The following PTN variants were observed in gnomAD, a reference collection of about 807,000 sequenced individuals.
PTN encodes heparin affin regulatory protein.
A neutral mutation model predicts 24.1 loss-of-function variants in PTN; 18 were observed. The observed-to-expected ratio is 0.75, with a 90% CI of 0.52 to 1.11. The LOEUF (loss-of-function observed/expected upper bound fraction) is 1.11. PTN is among the 50% of genes least tolerant of loss of function. The pLI is 0.00. For missense variants in PTN, 163 were observed against 198.8 expected (o/e 0.82, Z 1.08); for synonymous variants, 78 against 68.6 (o/e 1.14, Z -0.67).
At chr7:137,302,596 G>C (rs1320125837) in intron 1 of PTN, among the ~76,000 whole-genome samples, 6 of 151,966 alleles carry the variant, frequency 3.9e-5, no homozygotes, top group Non-Finnish European at 8.8e-5. Context: ...CACTCTCTGG[G>C]TATGTTTTCC....
At chr7:137,280,697 T>TAAAAAAAAAAAAAAAAA (rs1563210740) in intron 1 of PTN, among the ~76,000 whole-genome samples, 1 of 10,648 alleles carries the variant, frequency 9.4e-5, no homozygotes, top group Non-Finnish European at 2.2e-4. Context: ...CTACTAAAAA[T>TAAAAAAAAAAAAAAAAA]ACAAAAAAAA....
At chr7:137,232,306 G>T (rs369555335) in intron 4 of PTN, among the ~76,000 whole-genome samples, 38 of 152,116 alleles carry the variant, frequency 2.5e-4, no homozygotes, top group African/African-American at 8.7e-4. Flanking sequence ...GAATCTCACA[G>T]CAGTGCCCTG....
intron 4 of PTN, among the ~76,000 whole-genome samples, chr7:137,232,327 A>G (rs1808440994): frequency 6.6e-6 from 1 of 151,936 alleles, no homozygotes; most frequent in African/African-American, 2.4e-5. Context: ...GGTAGATTTT[A>G]ACTTCCTGGG....
chr7:137,269,397 G>A (rs1173054725), intron 1 of PTN, among the ~76,000 whole-genome samples: 2 of 152,204 alleles, frequency 1.3e-5, no homozygotes, highest in Non-Finnish European at 2.9e-5. Context: ...GATCTACAGT[G>A]CACTTGTGTG....
chr7:137,335,290 G>T (rs183418598), intron 1 of PTN, among the ~76,000 whole-genome samples: 4 of 151,874 alleles, frequency 2.6e-5, no homozygotes, highest in Non-Finnish European at 5.9e-5. Context: ...CACCCTCTCC[G>T]AGAAAGACCC....
At chr7:137,328,665 G>A (rs1810302220) in intron 1 of PTN, among the ~76,000 whole-genome samples, 1 of 152,086 alleles carries the variant, frequency 6.6e-6, no homozygotes, top group Non-Finnish European at 1.5e-5. Context: ...GAAACAGATT[G>A]AGCAGCTCCT....
intron 3 of PTN, 146 bp downstream of exon 3, chr7:137,253,318 C>T: frequency 2.5e-6 from 2 of 786,196 alleles, no homozygotes; most frequent in Non-Finnish European, 3.7e-6. Flanking sequence ...AATTGCCTGG[C>T]CTGAAATGGG....
chr7:137,323,915 T>C (rs150100793), intron 1 of PTN, among the ~76,000 whole-genome samples: 1 of 152,178 alleles, frequency 6.6e-6, no homozygotes, highest in East Asian at 1.9e-4. Context: ...GAGAAGAGAA[T>C]CCACAGATCG....
At chr7:137,301,387 A>G (rs551148103) in intron 1 of PTN, among the ~76,000 whole-genome samples, 1 of 152,070 alleles carries the variant, frequency 6.6e-6, no homozygotes, top group Non-Finnish European at 1.5e-5. Flanking sequence ...GGAAGGAGAC[A>G]GCTGTGAGAG....
intron 1 of PTN, among the ~76,000 whole-genome samples, chr7:137,320,069 C>G (rs1371986415): frequency 1.3e-5 from 2 of 152,196 alleles, no homozygotes; most frequent in African/African-American, 4.8e-5. Context: ...CGATATGTAT[C>G]TGCTAGTTTG....
intron 1 of PTN, among the ~76,000 whole-genome samples, chr7:137,295,832 T>C (rs1258884928): frequency 6.6e-6 from 1 of 151,984 alleles, no homozygotes; most frequent in Non-Finnish European, 1.5e-5. Context: ...AACTTTGCCC[T>C]CCAGAAAGCT....
At chr7:137,278,613 A>T (rs1809410806) in intron 1 of PTN, among the ~76,000 whole-genome samples, 1 of 152,058 alleles carries the variant, frequency 6.6e-6, no homozygotes, top group African/African-American at 2.4e-5. Context: ...TAACAATACC[A>T]AATGGATTTG....
At chr7:137,250,061 ATC>A (rs1808796606) in intron 4 of PTN, among the ~76,000 whole-genome samples, 1 of 151,750 alleles carries the variant, frequency 6.6e-6, no homozygotes. Flanking sequence ...ATTTTTCTGA[ATC>A]TCTCCTTACA....
intron 1 of PTN, among the ~76,000 whole-genome samples, chr7:137,319,037 C>T (rs1022791668): frequency 6.6e-6 from 1 of 152,264 alleles, no homozygotes; most frequent in African/African-American, 2.4e-5. Context: ...TTTCTCTCTA[C>T]TTTTGTCCAC....
chr7:137,254,834 T>C (rs1808892091), intron 2 of PTN, 25 bp downstream of exon 2: 5 of 1,464,924 alleles, frequency 3.4e-6, no homozygotes, highest in South Asian at 1.4e-5. Flanking sequence ...ATGAAGCATC[T>C]TGCCTTCAGA....
chr7:137,280,871 CAAAAAA>C (rs545644934), intron 1 of PTN, among the ~76,000 whole-genome samples: 1 of 65,736 alleles, frequency 1.5e-5, no homozygotes, highest in African/African-American at 5.1e-5. Context: ...GACTTTGTCT[CAAAAAA>C]AAAAAAAAAA....
chr7:137,274,175 G>A (rs944592538), intron 1 of PTN, among the ~76,000 whole-genome samples: 2 of 152,076 alleles, frequency 1.3e-5, no homozygotes, highest in Non-Finnish European at 2.9e-5. Flanking sequence ...AAGGTGCCCT[G>A]ACCTCCCTGC....
rs1319281043 is a variant in PTN at position 137,231,150 on chromosome 7, C to G, written c.452-3075G>C. Among the ~76,000 whole-genome samples the G allele has an allele frequency of 2.0e-5, 3 of 152,008 alleles. No homozygotes were observed. The East Asian group carries it at 5.8e-4, about 29-fold the overall frequency. ...AAGCTGCGAGAGGGTGCAGTTTCTA[C>G]TCTCTGTTGTACCTCCAACCCATGG... On this transcript the variant is annotated intron_variant, in intron 4 of 4. Coordinates refer to ENST00000348225, the MANE Select transcript of PTN (RefSeq NM_002825.7).
intron 1 of PTN, among the ~76,000 whole-genome samples, chr7:137,272,629 T>C (rs1809293813): frequency 6.6e-6 from 1 of 151,368 alleles, no homozygotes; most frequent in Non-Finnish European, 1.5e-5. Context: ...TTATATTTAG[T>C]AACTATCATG....
Sources: allele counts gnomAD v4.1 joint callset (sites outside exome capture counted in the v4.1 genomes callset), GRCh38; gene constraint gnomAD v4.1.1; transcripts MANE v1.5; gene names NCBI Gene and HGNC (gene_info 2026-07-23, HGNC 2026-07-21).